MYCT1: variants seen among roughly 807,000 people sequenced by gnomAD.
The protein encoded by MYCT1 is myc target protein 1.
In MYCT1, 12 loss-of-function variants were observed where a neutral mutation model predicts 15.0. The ratio of observed to expected loss-of-function variants is 0.80; its 90% CI spans 0.51 to 1.29. The LOEUF is 1.29. Among genes scored for constraint, MYCT1 ranks in the 50% most tolerant of loss-of-function variants. The probability of loss-of-function intolerance (pLI) is 0.00; values close to 1 mark genes in which losing one functional copy is unlikely to be tolerated. For missense variants in MYCT1, 287 were observed against 279.1 expected, an observed-to-expected ratio of 1.03 and a Z score of -0.20; for synonymous variants, 104 against 102.7, an observed-to-expected ratio of 1.01 and a Z score of -0.07.
intron 1 of MYCT1, among the ~76,000 whole-genome samples, chr6:152,721,113 G>C (rs1423430471): frequency 1.3e-5 from 2 of 152,170 alleles, no homozygotes; most frequent in Admixed American, 1.3e-4. Flanking sequence ...AAAGAGCCCA[G>C]TAGTCTGCAC....
chr6:152,698,753 A>G (rs745906127), intron 1 of MYCT1, among the ~76,000 whole-genome samples: 1 of 152,238 alleles, frequency 6.6e-6, no homozygotes, highest in Non-Finnish European at 1.5e-5. Context: ...CACGTGTAAC[A>G]TTCAATGGAA....
intron 1 of MYCT1, among the ~76,000 whole-genome samples, chr6:152,714,998 A>T (rs190211849): frequency 6.6e-6 from 1 of 152,004 alleles, no homozygotes; most frequent in African/African-American, 2.4e-5. Context: ...TAGGGGGCCT[A>T]ATTCCAGATT....
chr6:152,698,184 G>A lies in MYCT1; in HGVS notation c.196+86G>A, dbSNP rs2099720733. ...GATTATTAAAACAGTGAAAATCTCT[G>A]AGACATTTTGTTTACTATAATGTGA... is the stretch of plus-strand genomic sequence containing the variant. On this transcript the variant is annotated intron_variant, in intron 1 of 1. Transcript: ENST00000367245. The A allele has an allele frequency of 1.4e-5, 11 of 762,406 alleles. No individual in the cohort carries two copies. The South Asian group carries it at 3.0e-4, about 21-fold the overall frequency. The allele number at this position is 762,406 out of a possible 1,614,324, so 47.2% of individuals were successfully genotyped here.
the MYCT1 span, among the ~76,000 whole-genome samples, chr6:152,732,378 G>T: frequency 6.6e-6 from 1 of 152,162 alleles, no homozygotes; most frequent in Non-Finnish European, 1.5e-5. Context: ...AATTAGTTAT[G>T]ATGAGAGTTG....
chr6:152,704,215 T>G (rs887046842), intron 1 of MYCT1, among the ~76,000 whole-genome samples: 1 of 151,992 alleles, frequency 6.6e-6, no homozygotes, highest in Admixed American at 6.6e-5. Flanking sequence ...TTGCCCAGAC[T>G]AGTCTCAAAC....
the MYCT1 span, among the ~76,000 whole-genome samples, chr6:152,741,877 A>G: frequency 2.0e-5 from 3 of 152,188 alleles, no homozygotes; most frequent in Non-Finnish European, 4.4e-5. Context: ...CAAAGCTGGT[A>G]GGATTTCAGT....
intron 1 of MYCT1, among the ~76,000 whole-genome samples, chr6:152,699,810 G>A (rs1187630236): frequency 1.3e-5 from 2 of 152,038 alleles, no homozygotes; most frequent in East Asian, 1.9e-4. Flanking sequence ...ATAAGAGAAT[G>A]TTTAGTTGGA....
chr6:152,700,255 T>C (rs1383341108), intron 1 of MYCT1, among the ~76,000 whole-genome samples: 1 of 152,170 alleles, frequency 6.6e-6, no homozygotes, highest in African/African-American at 2.4e-5. Context: ...GAGAATCTTG[T>C]ACAATGCAGT....
chr6:152,699,286 T>C (rs921957668), intron 1 of MYCT1, among the ~76,000 whole-genome samples: 4 of 152,098 alleles, frequency 2.6e-5, no homozygotes, highest in African/African-American at 9.7e-5. Context: ...TTATTGGTTT[T>C]AAAAGATATT....
intron 1 of MYCT1, among the ~76,000 whole-genome samples, chr6:152,714,716 A>G (rs1239874697): frequency 3.3e-5 from 5 of 150,544 alleles, no homozygotes; most frequent in Non-Finnish European, 5.9e-5. Context: ...ATATTTTTCC[A>G]TTTTCTATTT....
At chr6:152,704,251 C>A (rs1351713507) in intron 1 of MYCT1, among the ~76,000 whole-genome samples, 3 of 152,092 alleles carry the variant, frequency 2.0e-5, no homozygotes, top group Non-Finnish European at 2.9e-5. Context: ...ATTTGCCCAC[C>A]TTGGCCTCCC....
At chr6:152,716,038 A>T (rs748001143) in intron 1 of MYCT1, among the ~76,000 whole-genome samples, 8 of 152,206 alleles carry the variant, frequency 5.3e-5, no homozygotes, top group Non-Finnish European at 1.2e-4. Flanking sequence ...TGCATTGAGC[A>T]CATTGTTGGG....
At chr6:152,736,066 C>T in the MYCT1 span, among the ~76,000 whole-genome samples, 1 of 151,960 alleles carries the variant, frequency 6.6e-6, no homozygotes, top group Non-Finnish European at 1.5e-5. Flanking sequence ...AAGGTTAGTG[C>T]TAAAAACCAG....
At chr6:152,702,989 C>A (rs548257942) in intron 1 of MYCT1, among the ~76,000 whole-genome samples, 1 of 152,256 alleles carries the variant, frequency 6.6e-6, no homozygotes, top group South Asian at 2.1e-4. Context: ...CATCCCTGAC[C>A]TCAAACTTCT....
the MYCT1 span, among the ~76,000 whole-genome samples, chr6:152,741,098 G>A: frequency 2.0e-5 from 3 of 151,960 alleles, no homozygotes; most frequent in Admixed American, 6.6e-5. Flanking sequence ...TTATTTCACA[G>A]AACAAAGAAA....
At position 152,722,263 on chromosome 6, in the gene MYCT1, CTTTTGGT is replaced by C. The variant is rs368004210; in HGVS notation, c.*16_*22del. ...ATTCCCAGATTCCTGAGTAGGGTGG[CTTTTGGT>C]TTTTGTTTCTTTCTTGTCTTGTCTT... On this transcript the variant is annotated 3_prime_UTR_variant, in exon 2 of 2. Coordinates refer to ENST00000367245, the MANE Select transcript of MYCT1 (RefSeq NM_025107.3). 14 of 1,579,366 alleles carry C rather than the reference CTTTTGGT, an allele frequency of 8.9e-6. No homozygotes were observed. The African/African-American group carries it at 1.4e-4, about 15-fold the overall frequency.
chr6:152,739,757 C>A, the MYCT1 span, among the ~76,000 whole-genome samples: 3,810 of 152,062 alleles, frequency 0.025, 155 homozygotes, highest in African/African-American at 0.087. Flanking sequence ...TTTTTAATTT[C>A]ACTTGAAATT....
chr6:152,719,128 T>C (rs1234361961), intron 1 of MYCT1, among the ~76,000 whole-genome samples: 2 of 152,202 alleles, frequency 1.3e-5, no homozygotes, highest in Non-Finnish European at 2.9e-5. Context: ...TTGTTTTAGC[T>C]GAAACTCCAT....
In MYCT1 at chr6:152,722,081, A is replaced by G; in HGVS notation, c.536A>G (p.Glu179Gly). Residue 179 changes from glutamate to glycine, a missense_variant, in exon 2 of 2, where the codon GAA becomes GGA. Physicochemically the swap from Glu to Gly is moderately conservative, Grantham distance 98 (BLOSUM62 -2). Coordinates refer to ENST00000367245, the MANE Select transcript of MYCT1 (RefSeq NM_025107.3). Reference sequence around the variant, plus strand: ...CTGCAATGTCCACCACTTCCTGTGGAAACTGAGAGTCAGCTGGTGACTCTC... The same window carrying G: ...CTGCAATGTCCACCACTTCCTGTGGGAACTGAGAGTCAGCTGGTGACTCTC... ...PFLQCPPLPV[E>G]TESQLVTLPS... 2 of 1,614,150 alleles carry G rather than the reference A, an allele frequency of 1.2e-6. No homozygotes were observed. Among genetic ancestry groups the G allele is most frequent in the Non-Finnish European group, 1.7e-6 (2 of 1,180,030 alleles).
Sources: allele counts gnomAD v4.1 joint callset (sites outside exome capture counted in the v4.1 genomes callset), GRCh38; gene constraint gnomAD v4.1.1; transcripts MANE v1.5; gene names NCBI Gene and HGNC (gene_info 2026-07-23, HGNC 2026-07-21).